Variants in PLEC observed in about 807,000 individuals in gnomAD.
PLEC encodes hemidesmosomal protein 1.
Under a neutral mutation model 392.8 loss-of-function variants are expected in PLEC, and 216 were observed. The observed-to-expected ratio is 0.55, with a 90% CI of 0.49 to 0.62. The LOEUF (loss-of-function observed/expected upper bound fraction) is 0.62. Ranked by LOEUF, PLEC falls within the 20% of genes least tolerant of loss-of-function variation. PLEC has a pLI of 0.00. For synonymous variants in PLEC, 3,621 were observed against 2,980.6 expected (o/e 1.21, Z -7.00); for missense variants, 6,863 against 6,563.4 (o/e 1.05, Z -1.58).
chr8:143,935,150 G>C, intron 7 of PLEC, 33 bp from the exon 8 acceptor site: 1 of 1,611,980 alleles, frequency 6.2e-7, no homozygotes, highest in Non-Finnish European at 8.5e-7. Context: ...GGTGGCTCTG[G>C]GGCAGGCAGC....
At chr8:143,943,851 C>T (rs1554730605), upstream of PLEC, 26 of 1,612,252 alleles carry the variant, frequency 1.6e-5, no homozygotes, top group Non-Finnish European at 2.0e-5. Context: ...ACGTGACCCA[C>T]AACCACCAGG....
rs1828336790 is a variant in PLEC, at chr8:143,934,310, C to G, written c.1169+8G>C. 6.2e-7 allele frequency: 1 copy of G among 1,611,652 alleles called. No homozygotes were observed. Among genetic ancestry groups the G allele is most frequent in the African/African-American group, 1.3e-5 (1 of 74,916 alleles). ...GTGGTTCCCCTGCCACCACAGGGCCCCACCCACCTCTCAAACTCGCTGCGG... is the reference window on the plus strand; with the variant it reads ...GTGGTTCCCCTGCCACCACAGGGCCGCACCCACCTCTCAAACTCGCTGCGG... On this transcript the variant is annotated splice_region_variant and intron_variant, in intron 11 of 31. Coordinates refer to ENST00000345136, the MANE Select transcript of PLEC (RefSeq NM_201384.3).
chr8:143,917,384 G>A lies in PLEC; in HGVS notation c.12437C>T (p.Pro4146Leu). Residue 4146 changes from proline to leucine, a missense_variant, in exon 32 of 32, where the codon CCC becomes CTC. By Grantham distance (98) the Pro-to-Leu change is moderately conservative. Transcript: ENST00000345136. ...CACTGACATCTCCTTGCCCGTCTCG[G>A]GGTCCACGATGACCACTCGGCGCTT... ...VRKRRVVIVD[P>L]ETGKEMSVYE... 1.2e-6 allele frequency: 2 copies of A among 1,611,758 alleles called. No homozygotes were observed. The highest frequency in any genetic ancestry group is 1.7e-6 in the Non-Finnish European group (2 of 1,180,008).
At chr8:143,959,272 G>C (rs1490774854) in intron 1 of PLEC, among the ~76,000 whole-genome samples, 1 of 152,250 alleles carries the variant, frequency 6.6e-6, no homozygotes, top group Admixed American at 6.5e-5. Context: ...TTCATTGAGA[G>C]GCTGGCTTCA....
rs2857804 is a variant in PLEC at position 143,920,151 on chromosome 8, G to C, written c.9670C>G (p.Leu3224Val). The stretch of plus-strand genomic sequence containing the variant: ...TCACGGGCCTGCAGCTCTGAGTAGA[G>C]CTCCTCCTGCCGGGCCCGAGCAGCC... ...EKAARARQEE[L>V]YSELQARETF... Residue 3224 changes from leucine to valine, a missense_variant, in exon 32 of 32, where the codon CTC becomes GTC. Physicochemically the swap from Leu to Val is conservative, Grantham distance 32. Transcript: ENST00000345136. 5.6e-6 allele frequency: 9 copies of C among 1,612,550 alleles called. No homozygotes were observed. The East Asian group carries it at 2.0e-4, about 36-fold the overall frequency.
Position 143,937,231 on chromosome 8 carries a change from C to T in PLEC, c.276G>A (p.Lys92=). 6.2e-7 allele frequency: 1 copy of T among 1,612,550 alleles called. No individual in the cohort carries two copies. The change falls in exon 4 of 32, where the codon AAG becomes AAA. Residue 92 remains lysine (K), a synonymous_variant. Transcript: ENST00000345136. Reference sequence around the variant, plus strand: ...GCAGCTTGTGGAAACGCATCCTCCCCTTCTCCCGGGGCTGTGGGGAGGCAC... The same window carrying T: ...GCAGCTTGTGGAAACGCATCCTCCCTTTCTCCCGGGGCTGTGGGGAGGCAC... The part of the protein sequence containing the change: ...VLSGDSLPRE[K]GRMRFHKLQN...
chr8:143,920,735 A>G lies in PLEC; in HGVS notation c.9086T>C (p.Val3029Ala). ...ALRGANVIAG[V>A]WLEEAGQKLS... is the part of the protein sequence containing the mutation. ...CTTCTGCCCCGCCTCCTCCAGCCATACACCCGCGATGACGTTGGCACCCCG... is the reference window on the plus strand; with the variant it reads ...CTTCTGCCCCGCCTCCTCCAGCCATGCACCCGCGATGACGTTGGCACCCCG... Residue 3029 changes from valine to alanine, a missense_variant, in exon 32 of 32, where the codon GTA becomes GCA. By Grantham distance (64) the Val-to-Ala change is moderately conservative (BLOSUM62 0). Transcript: ENST00000345136. The G allele has an allele frequency of 6.2e-7, 1 of 1,604,082 alleles. No homozygotes were observed. The highest frequency in any genetic ancestry group is 2.2e-5 in the East Asian group (1 of 44,870).
upstream of PLEC, among the ~76,000 whole-genome samples, chr8:143,951,869 C>A (rs1206210100): frequency 1.3e-5 from 2 of 152,050 alleles, no homozygotes; most frequent in East Asian, 1.9e-4. Flanking sequence ...TCATCCACCC[C>A]CCCCTCCCCG....
chr8:143,939,669 C>T, upstream of PLEC: 1 of 1,402,524 alleles, frequency 7.1e-7, no homozygotes, highest in Non-Finnish European at 9.3e-7. Flanking sequence ...CCCACCCTGC[C>T]CAGGCCGCCG....
Position 143,922,993 on chromosome 8 carries a change from G to C in PLEC, c.6936C>G (p.Leu2312=), listed in dbSNP as rs782257264. 1 of 1,611,656 alleles carries C rather than the reference G, an allele frequency of 6.2e-7. No individual in the cohort carries two copies. The highest frequency in any genetic ancestry group is 8.5e-7 in the Non-Finnish European group (1 of 1,179,474). The change falls in exon 31 of 32, where the codon CTC becomes CTG. Residue 2312 remains leucine, a synonymous_variant. Coordinates refer to ENST00000345136, the MANE Select transcript of PLEC (RefSeq NM_201384.3). ...CCTGCACCGCCTGCATCTTCTCCTT[G>C]AGCATCTTCTCTGCCAAGGCCCGCT... The part of the protein sequence containing the change: ...AQQRALAEKM[L]KEKMQAVQEA...
In PLEC at chr8:143,920,132, G is replaced by A. The variant is rs782629920; in HGVS notation, c.9689C>T (p.Ala3230Val). The A allele has an allele frequency of 3.7e-6, 6 of 1,612,760 alleles. No homozygotes were observed. The African/African-American group carries it at 8.0e-5, about 22-fold the overall frequency. The change falls in exon 32 of 32, where the codon GCC (alanine) becomes GTC (valine). Residue 3230 changes from alanine to valine, a missense_variant. Physicochemically the swap from Ala to Val is moderately conservative, Grantham distance 64. Coordinates refer to ENST00000345136, the MANE Select transcript of PLEC (RefSeq NM_201384.3). ...RQEELYSELQ[A>V]RETFEKTPVE... Reference sequence around the variant, plus strand: ...CGGGGTCTTTTCAAAGGTCTCACGGGCCTGCAGCTCTGAGTAGAGCTCCTC... The same window carrying A: ...CGGGGTCTTTTCAAAGGTCTCACGGACCTGCAGCTCTGAGTAGAGCTCCTC...
At chr8:143,937,394 G>A in intron 3 of PLEC, 152 bp from the exon 4 acceptor site, 1 of 669,974 alleles carries the variant, frequency 1.5e-6, no homozygotes, top group Non-Finnish European at 2.7e-6. Flanking sequence ...CGCAGGGAAA[G>A]GGAGGCCACC....
Position 143,918,465 on chromosome 8 carries a change from T to C in PLEC, c.11356A>G (p.Met3786Val), listed in dbSNP as rs782284148. 6.3e-7 allele frequency: 1 copy of C among 1,592,698 alleles called. No individual in the cohort carries two copies. The highest frequency in any genetic ancestry group is 1.8e-5 in the Admixed American group (1 of 56,970). ...TEQTISLFQA[M>V]KKELIPTEEA... ...TCAGTAGGGATCAGCTCCTTCTTCA[T>C]GGCCTGGAAGAGCGAGATGGTCTGC... The change falls in exon 32 of 32, where the codon ATG becomes GTG. Residue 3786 changes from methionine to valine, a missense_variant. Physicochemically the swap from Met to Val is conservative, Grantham distance 21. Transcript: ENST00000345136.
chr8:143,973,351 G>T lies in PLEC; in HGVS notation c.70+52C>A. On this transcript the variant is annotated intron_variant, in intron 1 of 31. Coordinates refer to the PLEC transcript ENST00000356346. This position sits in a 1 kb window ranked among gnomAD's most constrained non-coding sequence, Gnocchi z 5.6. The stretch of plus-strand genomic sequence containing the variant: ...GCCACCGTGGACGACAAGGTGCTCG[G>T]CGGCTGGGCTGTCAGGAGCGGCCCG... The T allele has an allele frequency of 1.3e-6, 2 of 1,538,918 alleles. No individual in the cohort carries two copies. The highest frequency in any genetic ancestry group is 1.2e-5 in the South Asian group (1 of 83,654).
upstream of PLEC, among the ~76,000 whole-genome samples, chr8:143,940,777 G>A (rs1027133763): frequency 3.3e-5 from 5 of 152,138 alleles, no homozygotes; most frequent in Admixed American, 6.5e-5. Context: ...CCCTCACAAT[G>A]GGGGGTGCCC....
Position 143,930,533 on chromosome 8 carries a change from C to T in PLEC, c.2308G>A (p.Glu770Lys), listed in dbSNP as rs369133057. 7.5e-5 allele frequency: 119 copies of T among 1,589,938 alleles called. 1 individual carries two copies. The South Asian group carries it at 8.5e-4, about 11-fold the overall frequency. The change falls in exon 20 of 32, where the codon GAG becomes AAG. Residue 770 changes from glutamate (E) to lysine (K), a missense_variant. By Grantham distance (56) the Glu-to-Lys change is moderately conservative (BLOSUM62 1). Transcript: ENST00000345136. ...TTGTACTCGTTCAGCTGTTCCTTCT[C>T]GTCCTGTGGGGGAGGGGCAGCATCC... ...LEDLLQDAQD[E>K]KEQLNEYKGH...
rs201818691 is a variant in PLEC, at chr8:143,930,306, G to C, written c.2458-8C>G. 1 of 1,599,856 alleles carries C rather than the reference G, an allele frequency of 6.3e-7. No homozygotes were observed. Among genetic ancestry groups the C allele is most frequent in the Non-Finnish European group, 8.5e-7 (1 of 1,177,610 alleles). The stretch of plus-strand genomic sequence containing the variant: ...ACCCTTGTGCACAGTCACCTGGGAC[G>C]GGCAGAGTCGGTGAGGACATGGCCA... On this transcript the variant is annotated splice_polypyrimidine_tract_variant and splice_region_variant and intron_variant, in intron 20 of 31. Coordinates refer to ENST00000345136, the MANE Select transcript of PLEC (RefSeq NM_201384.3).
At chr8:143,938,396 C>T (rs1183465466) in intron 2 of PLEC, 156 bp from the exon 3 acceptor site, 2 of 1,535,516 alleles carry the variant, frequency 1.3e-6, no homozygotes, top group Admixed American at 2.0e-5. Flanking sequence ...CACGGAGGCA[C>T]CTACCTCTGC....
Position 143,923,538 on chromosome 8 carries a change from C to T in PLEC, c.6391G>A (p.Ala2131Thr). 6.3e-7 allele frequency: 1 copy of T among 1,598,744 alleles called. No individual in the cohort carries two copies. Among genetic ancestry groups the T allele is most frequent in the Non-Finnish European group, 8.5e-7 (1 of 1,178,248 alleles). Residue 2131 changes from alanine to threonine, a missense_variant, in exon 31 of 32, where the codon GCA (alanine) becomes ACA (threonine). Transcript: ENST00000345136. ...AEEQAQARAQ[A>T]QAAAEKLRKE... Reference sequence around the variant, plus strand: ...CGCAGCTTCTCTGCAGCCGCCTGTGCCTGAGCCCGGGCCTGTGCCTGCTCC... The same window carrying T: ...CGCAGCTTCTCTGCAGCCGCCTGTGTCTGAGCCCGGGCCTGTGCCTGCTCC...
Sources: allele counts gnomAD v4.1 joint callset (sites outside exome capture counted in the v4.1 genomes callset), GRCh38; gene constraint gnomAD v4.1.1; non-coding constraint Gnocchi (gnomAD v3.1); transcripts MANE v1.5; gene names NCBI Gene and HGNC (gene_info 2026-07-23, HGNC 2026-07-21).